The following PHACTR1 variants were observed in gnomAD, a reference collection of about 807,000 sequenced individuals.
PHACTR1 encodes RPEL repeat containing 1.
Under a neutral mutation model 69.2 loss-of-function variants are expected in PHACTR1, and 16 were observed. That is an observed-to-expected ratio of 0.23 (90% CI 0.16 to 0.35). The LOEUF (loss-of-function observed/expected upper bound fraction) is 0.35. PHACTR1 is among the 10% of genes least tolerant of loss of function. The pLI is 1.00. For synonymous variants in PHACTR1, 312 were observed against 284.5 expected, an observed-to-expected ratio of 1.10 and a Z score of -0.97; for missense variants, 510 against 734.7, an observed-to-expected ratio of 0.69 and a Z score of 3.54.
Position 13,225,221 on chromosome 6 carries a change from G to A in PHACTR1, c.987-2595G>A, listed in dbSNP as rs577592371. 2.6e-5 allele frequency among the ~76,000 whole-genome samples: 4 copies of A among 152,320 alleles called. No individual in the cohort carries two copies. The South Asian group carries it at 6.2e-4, about 24-fold the overall frequency. ...TTCAGTGGATATTTATTAATAGAAT[G>A]TTTTACAATTCTTTTGGTGGATTCA... On this transcript the variant is annotated intron_variant, in intron 8 of 14. Transcript: ENST00000332995.
intron 5 of PHACTR1, among the ~76,000 whole-genome samples, chr6:13,082,017 T>C (rs1811469585): frequency 6.6e-6 from 1 of 152,224 alleles, no homozygotes; most frequent in African/African-American, 2.4e-5. Context: ...CACTTTCTTA[T>C]GAGCAAGAAC....
At chr6:12,850,980 G>A (rs1423918099) in intron 4 of PHACTR1, among the ~76,000 whole-genome samples, 3 of 152,094 alleles carry the variant, frequency 2.0e-5, no homozygotes, top group African/African-American at 4.8e-5. Flanking sequence ...GTCTTCTTGG[G>A]GTGGGGGACA....
intron 7 of PHACTR1, among the ~76,000 whole-genome samples, chr6:13,195,694 A>G (rs1764267867): frequency 1.4e-5 from 2 of 143,172 alleles, no homozygotes. Context: ...GAAGGCGGAC[A>G]TTGCAGTGAG....
intron 4 of PHACTR1, among the ~76,000 whole-genome samples, chr6:13,043,376 G>C (rs1378304791): frequency 6.6e-6 from 1 of 151,912 alleles, no homozygotes; most frequent in African/African-American, 2.4e-5. Flanking sequence ...GCAGTGAACG[G>C]AGATAGAGCC....
intron 4 of PHACTR1, among the ~76,000 whole-genome samples, chr6:12,914,788 G>A (rs1451741637): frequency 6.6e-6 from 1 of 152,110 alleles, no homozygotes; most frequent in African/African-American, 2.4e-5. Context: ...GACTCTTAAG[G>A]GCAGTCTAGA....
At chr6:13,193,467 T>G (rs1415216653) in intron 7 of PHACTR1, among the ~76,000 whole-genome samples, 1 of 149,000 alleles carries the variant, frequency 6.7e-6, no homozygotes, top group Admixed American at 6.8e-5. Flanking sequence ...GCTCACTGCA[T>G]CCTCAAATTC....
At chr6:13,088,229 A>G (rs760117628) in intron 5 of PHACTR1, among the ~76,000 whole-genome samples, 6 of 152,162 alleles carry the variant, frequency 3.9e-5, no homozygotes, top group Non-Finnish European at 7.4e-5. Flanking sequence ...GAATTCATAT[A>G]TAACAGCTAC....
chr6:12,933,933 C>A (rs567957687), intron 4 of PHACTR1: 1 of 1,603,984 alleles, frequency 6.2e-7, no homozygotes, highest in South Asian at 1.1e-5. Flanking sequence ...AGGGAAAATG[C>A]GGGTTGGCGT....
intron 6 of PHACTR1, among the ~76,000 whole-genome samples, chr6:13,178,683 C>T (rs1422598094): frequency 2.0e-5 from 3 of 152,210 alleles, no homozygotes; most frequent in East Asian, 1.9e-4. Context: ...TAATAGGAAG[C>T]AGCTCATGAT....
intron 4 of PHACTR1, among the ~76,000 whole-genome samples, chr6:12,787,487 G>A (rs1045191925): frequency 8.5e-5 from 13 of 152,194 alleles, no homozygotes; most frequent in Non-Finnish European, 4.4e-5. Context: ...AAGTTCTGAT[G>A]TGTCCTGAGC....
At chr6:13,105,886 G>A (rs537151130) in intron 5 of PHACTR1, among the ~76,000 whole-genome samples, 140 of 152,246 alleles carry the variant, frequency 9.2e-4, no homozygotes, top group Non-Finnish European at 1.7e-3. Context: ...AGAATAAAAG[G>A]GTAACAGGGA....
At chr6:13,175,581 A>T (rs942688345) in intron 6 of PHACTR1, among the ~76,000 whole-genome samples, 1 of 152,206 alleles carries the variant, frequency 6.6e-6, no homozygotes, top group African/African-American at 2.4e-5. Context: ...AACTGAGGTT[A>T]GCAGGTCCCC....
chr6:13,211,959 A>G (rs1203846004), intron 8 of PHACTR1, among the ~76,000 whole-genome samples: 3 of 152,042 alleles, frequency 2.0e-5, no homozygotes, highest in Non-Finnish European at 4.4e-5. Flanking sequence ...ACAGAAATTT[A>G]TTGTCTTTCA....
At chr6:13,155,860 C>G (rs1459856038) in intron 5 of PHACTR1, among the ~76,000 whole-genome samples, 1 of 151,808 alleles carries the variant, frequency 6.6e-6, no homozygotes, top group Non-Finnish European at 1.5e-5. Context: ...TGCACTCCAG[C>G]CTGGGTGACA....
intron 10 of PHACTR1, among the ~76,000 whole-genome samples, chr6:13,233,364 A>G (rs1309912308): frequency 8.3e-5 from 2 of 24,134 alleles, no homozygotes; most frequent in African/African-American, 2.4e-4. Flanking sequence ...TTACCATAGT[A>G]TACATTGTTC....
intron 4 of PHACTR1, among the ~76,000 whole-genome samples, chr6:12,834,275 TGGC>T (rs1777910156): frequency 6.6e-6 from 1 of 152,146 alleles, no homozygotes; most frequent in Non-Finnish European, 1.5e-5. Flanking sequence ...ATGTTCCCTT[TGGC>T]TGAAGTAATT....
At chr6:13,098,977 C>T (rs1350045975) in intron 5 of PHACTR1, among the ~76,000 whole-genome samples, 2 of 152,212 alleles carry the variant, frequency 1.3e-5, no homozygotes, top group Non-Finnish European at 2.9e-5. Context: ...ATCATTTCCT[C>T]TTTAATACAC....
intron 3 of PHACTR1, among the ~76,000 whole-genome samples, chr6:12,733,294 C>T (rs908717956): frequency 6.6e-6 from 1 of 152,172 alleles, no homozygotes; most frequent in African/African-American, 2.4e-5. Flanking sequence ...TTAGGGAAGA[C>T]AGGAAAAGCA....
intron 4 of PHACTR1, among the ~76,000 whole-genome samples, chr6:13,015,398 A>C (rs1436803297): frequency 6.6e-6 from 1 of 152,182 alleles, no homozygotes; most frequent in Non-Finnish European, 1.5e-5. Context: ...TAGGGGGGAT[A>C]TACGTTTCTG....
Sources: gnomAD v4.1 joint callset for allele counts (sites outside exome capture counted in the v4.1 genomes callset) on GRCh38, gnomAD v4.1.1 for gene constraint, MANE v1.5 for transcripts, NCBI Gene and HGNC (gene_info 2026-07-23, HGNC 2026-07-21) for gene names.